The following NRXN1 variants were observed in gnomAD, a reference collection of about 807,000 sequenced individuals.
The protein encoded by NRXN1 is neurexin 1, also known as neurexin-1.
A neutral mutation model predicts 150.9 loss-of-function variants in NRXN1; 39 were observed. That is an observed-to-expected ratio of 0.26 (90% confidence interval 0.20 to 0.34). The LOEUF (loss-of-function observed/expected upper bound fraction) is 0.34. NRXN1 is among the 10% of genes least tolerant of loss of function. NRXN1 has a pLI of 1.00. For synonymous variants in NRXN1, 924 were observed against 757.0 expected (o/e 1.22, Z -3.62); for missense variants, 1,815 against 1,949.9 (o/e 0.93, Z 1.30).
intron 5 of NRXN1, among the ~76,000 whole-genome samples, chr2:50,776,273 T>C (rs997307295): frequency 3.9e-5 from 6 of 152,118 alleles, no homozygotes; most frequent in African/African-American, 1.4e-4. Context: ...TGGTCCGTAC[T>C]TCTTTCAAAT....
intron 17 of NRXN1, among the ~76,000 whole-genome samples, chr2:50,398,862 GC>G (rs776422159): frequency 9.2e-5 from 14 of 152,094 alleles, no homozygotes; most frequent in Non-Finnish European, 1.6e-4. Flanking sequence ...CAGTAGTGGG[GC>G]TGAGAGATAC....
chr2:50,156,215 A>T (rs770344813), intron 18 of NRXN1, among the ~76,000 whole-genome samples: 2 of 151,898 alleles, frequency 1.3e-5, no homozygotes, highest in Non-Finnish European at 2.9e-5. Context: ...TGTAAAATGA[A>T]TGTGAAGATA....
At chr2:50,406,449 T>C (rs770543572) in intron 17 of NRXN1, among the ~76,000 whole-genome samples, 7 of 152,160 alleles carry the variant, frequency 4.6e-5, no homozygotes, top group Non-Finnish European at 7.4e-5. Flanking sequence ...CTCTTGGACA[T>C]TGGTGACACC....
At chr2:50,985,121 G>GA (rs969217211) in intron 2 of NRXN1, among the ~76,000 whole-genome samples, 19 of 151,466 alleles carry the variant, frequency 1.3e-4, no homozygotes, top group East Asian at 7.8e-4. Flanking sequence ...AAACATACAG[G>GA]AAAAAAAATG....
At chr2:50,888,811 A>G (rs1201858859) in intron 5 of NRXN1, among the ~76,000 whole-genome samples, 1 of 151,732 alleles carries the variant, frequency 6.6e-6, no homozygotes, top group Admixed American at 6.6e-5. Flanking sequence ...TCATATGATA[A>G]TTAGCACAAA....
chr2:51,027,943 C>A lies in NRXN1; in HGVS notation c.331G>T (p.Asp111Tyr). The A allele has an allele frequency of 6.2e-7, 1 of 1,603,740 alleles. No individual in the cohort carries two copies. Among genetic ancestry groups the A allele is most frequent in the Non-Finnish European group, 8.5e-7 (1 of 1,179,602 alleles). Reference sequence around the variant, plus strand: ...ATGCGCACGCTGTGCCAGGCGCCGTCGTTAACCGGCGTGTCGGCCAGGAGC... The same window carrying A: ...ATGCGCACGCTGTGCCAGGCGCCGTAGTTAACCGGCGTGTCGGCCAGGAGC... ...ATLLADTPVN[D>Y]GAWHSVRIRR... Residue 111 changes from aspartate (D) to tyrosine (Y), a missense_variant, in exon 2 of 23, where the codon GAC becomes TAC. Coordinates refer to ENST00000401669, the MANE Select transcript of NRXN1 (RefSeq NM_001330078.2).
chr2:50,164,069 G>C (rs2059532686), intron 18 of NRXN1, among the ~76,000 whole-genome samples: 1 of 152,088 alleles, frequency 6.6e-6, no homozygotes, highest in African/African-American at 2.4e-5. Context: ...ATTTCACATT[G>C]TTTAGTAACT....
intron 2 of NRXN1, among the ~76,000 whole-genome samples, chr2:50,983,300 C>G (rs1297662251): frequency 2.0e-4 from 30 of 152,108 alleles, no homozygotes; most frequent in Admixed American, 2.0e-3. Context: ...TTATCACTTT[C>G]TCCTCGATAG....
intron 5 of NRXN1, among the ~76,000 whole-genome samples, chr2:50,883,922 G>A (rs1216589670): frequency 6.6e-6 from 1 of 151,770 alleles, no homozygotes; most frequent in Non-Finnish European, 1.5e-5. Flanking sequence ...GGTGCAGTGT[G>A]TAACAGCCAG....
intron 18 of NRXN1, among the ~76,000 whole-genome samples, chr2:50,110,380 T>G (rs1358944522): frequency 6.6e-6 from 1 of 151,160 alleles, no homozygotes; most frequent in East Asian, 2.0e-4. Flanking sequence ...TAGTCCCAGC[T>G]GCTCGGGAGG....
intron 17 of NRXN1, chr2:50,417,271 A>G (rs1051669072): frequency 6.6e-6 from 1 of 152,124 alleles, no homozygotes; most frequent in Non-Finnish European, 1.5e-5. Flanking sequence ...TACACATTTC[A>G]AGCCAAAGTT....
chr2:50,898,558 A>G, intron 5 of NRXN1: 1 of 477,508 alleles, frequency 2.1e-6, no homozygotes, highest in South Asian at 1.6e-5. Context: ...GTAGGGAGGT[A>G]GAAAATGAAA....
At chr2:50,565,082 C>T (rs2105419118) in intron 8 of NRXN1, among the ~76,000 whole-genome samples, 1 of 152,210 alleles carries the variant, frequency 6.6e-6, no homozygotes, top group Admixed American at 6.5e-5. Context: ...CCCAAATTCT[C>T]ACACAACCCA....
intron 17 of NRXN1, among the ~76,000 whole-genome samples, chr2:50,420,053 A>G (rs935182370): frequency 2.0e-5 from 3 of 152,072 alleles, no homozygotes; most frequent in Non-Finnish European, 2.9e-5. Flanking sequence ...GGGAAGGAAT[A>G]AAAGAGACTA....
intron 18 of NRXN1, among the ~76,000 whole-genome samples, chr2:50,132,268 CAT>C (rs559359574): frequency 2.1e-3 from 318 of 150,286 alleles, no homozygotes; most frequent in Admixed American, 4.8e-3. Flanking sequence ...TATGCTGTGT[CAT>C]ACGTTTCTTT....
At chr2:50,808,941 C>T (rs1667860497) in intron 5 of NRXN1, among the ~76,000 whole-genome samples, 1 of 152,116 alleles carries the variant, frequency 6.6e-6, no homozygotes, top group Non-Finnish European at 1.5e-5. Context: ...ATAAAATTTC[C>T]TTATGAACAT....
chr2:50,664,768 T>G (rs1351297338), intron 5 of NRXN1, among the ~76,000 whole-genome samples: 1 of 149,448 alleles, frequency 6.7e-6, no homozygotes, highest in Non-Finnish European at 1.5e-5. Flanking sequence ...AAGATGGAGT[T>G]AACATTCCTA....
chr2:50,509,906 A>G (rs1256476718), intron 12 of NRXN1, among the ~76,000 whole-genome samples: 1 of 152,252 alleles, frequency 6.6e-6, no homozygotes, highest in African/African-American at 2.4e-5. Context: ...TTAGGTTTAG[A>G]TAAGGGTGGA....
chr2:50,956,595 A>G (rs6709788), intron 2 of NRXN1, among the ~76,000 whole-genome samples: 18,613 of 152,004 alleles, frequency 0.12, 1,284 homozygotes, highest in Non-Finnish European at 0.15. Context: ...TAAAAATACA[A>G]AAATTAGCTG....
Sources: gnomAD v4.1 joint callset for allele counts (sites outside exome capture counted in the v4.1 genomes callset) on GRCh38, gnomAD v4.1.1 for gene constraint, MANE v1.5 for transcripts, NCBI Gene and HGNC (gene_info 2026-07-23, HGNC 2026-07-21) for gene names.